Variants in NUP214 observed in about 807,000 individuals in gnomAD.
NUP214 encodes nucleoporin 214.
In NUP214, 79 loss-of-function variants were observed where a neutral mutation model predicts 196.2. The observed-to-expected ratio is 0.40, with a 90% CI of 0.34 to 0.49. NUP214 has a LOEUF of 0.49. Ranked by LOEUF, NUP214 falls within the 20% of genes least tolerant of loss-of-function variation. NUP214 has a pLI of 0.58. For synonymous variants in NUP214, 1,020 were observed against 990.5 expected (o/e 1.03, Z -0.56); for missense variants, 2,468 against 2,539.0 (o/e 0.97, Z 0.60).
Position 131,163,099 on chromosome 9 carries a change from G to A in NUP214, c.2649G>A (p.Gln883=), listed in dbSNP as rs1420786935. ...TGAATCACCTGGTGGATAGTCTTCA[G>A]CAGCTCCGCCTTTACAAACAGACTT... ...KRLNHLVDSL[Q]QLRLYKQTSL... The change falls in exon 19 of 36, where the codon CAG becomes CAA. Residue 883 remains glutamine (Q), a synonymous_variant. Coordinates refer to ENST00000359428, the MANE Select transcript of NUP214 (RefSeq NM_005085.4). 1.2e-6 allele frequency: 2 copies of A among 1,614,208 alleles called. No homozygotes were observed. The highest frequency in any genetic ancestry group is 1.7e-6 in the Non-Finnish European group (2 of 1,180,024).
chr9:131,140,342 GGT>G (rs1831870662), intron 10 of NUP214, among the ~76,000 whole-genome samples: 1 of 152,132 alleles, frequency 6.6e-6, no homozygotes, highest in African/African-American at 2.4e-5. Flanking sequence ...GGCCCAGCAG[GGT>G]GGTGGCGATC....
chr9:131,135,566 A>G (rs568118170), intron 8 of NUP214, among the ~76,000 whole-genome samples: 2 of 152,232 alleles, frequency 1.3e-5, no homozygotes, highest in South Asian at 2.1e-4. Flanking sequence ...ATATTCAAGG[A>G]ATATATTAAA....
At chr9:131,126,499 T>C (rs1288416532) in intron 1 of NUP214, 3 of 151,910 alleles carry the variant, frequency 2.0e-5, no homozygotes, top group Non-Finnish European at 2.9e-5. Flanking sequence ...GTGTGAACAA[T>C]AAATCACTAA....
chr9:131,140,391 A>G (rs557506172), intron 10 of NUP214, among the ~76,000 whole-genome samples, 158 bp from the exon 11 acceptor site: 1 of 152,330 alleles, frequency 6.6e-6, no homozygotes, highest in African/African-American at 2.4e-5. Context: ...TAGCTGGTGC[A>G]CGAAAGGCTG....
rs140105638 is a variant in NUP214, at chr9:131,131,597, A to G, written c.663+761A>G. On this transcript the variant is annotated intron_variant, in intron 5 of 35. Transcript: ENST00000359428. Reference sequence around the variant, plus strand: ...CCAAAAGTTACCTGAAATTTGGTACATAATCTTTTAGGACACTAACCTGTA... The same window carrying G: ...CCAAAAGTTACCTGAAATTTGGTACGTAATCTTTTAGGACACTAACCTGTA... Among the ~76,000 whole-genome samples, 25 of 152,358 alleles carry G rather than the reference A, an allele frequency of 1.6e-4. No homozygotes were observed. In the East Asian group the frequency reaches 3.9e-3, roughly 23 times the overall value.
chr9:131,177,236 C>CAT (rs1457714776), intron 23 of NUP214, among the ~76,000 whole-genome samples: 2 of 152,074 alleles, frequency 1.3e-5, no homozygotes, highest in Non-Finnish European at 2.9e-5. Context: ...AGACATCTAA[C>CAT]ATATATATTG....
intron 17 of NUP214, among the ~76,000 whole-genome samples, chr9:131,152,787 T>A (rs576010757): frequency 4.5e-4 from 66 of 146,158 alleles, no homozygotes; most frequent in Middle Eastern, 3.5e-3. Flanking sequence ...TGAAAAAAAA[T>A]TTTTTTTTTT....
chr9:131,144,509 C>T lies in NUP214; in HGVS notation c.1524C>T (p.Ser508=), dbSNP rs770603612. The T allele has an allele frequency of 2.5e-6, 4 of 1,614,052 alleles. No homozygotes were observed. The highest frequency in any genetic ancestry group is 3.3e-5 in the Admixed American group (2 of 59,996). The change falls in exon 12 of 36, where the codon AGC becomes AGT. Residue 508 remains serine (S), a synonymous_variant. Coordinates refer to ENST00000359428, the MANE Select transcript of NUP214 (RefSeq NM_005085.4). ...EPPSYSSGSD[S]SKAAPGPGPS... is the part of the protein sequence containing the mutation. ...CTTCATATTCCAGTGGCTCCGACAG[C>T]TCCAAAGCAGCCCCAGGCCCTGGCC... is the stretch of plus-strand genomic sequence containing the variant.
At chr9:131,175,760 C>A in intron 23 of NUP214, 139 bp downstream of exon 23, 1 of 1,249,878 alleles carries the variant, frequency 8.0e-7, no homozygotes, top group Non-Finnish European at 1.1e-6. Context: ...AGCCCTCTCC[C>A]CTTTGTGGAG....
intron 34 of NUP214, among the ~76,000 whole-genome samples, chr9:131,231,342 C>T (rs1476712950): frequency 1.3e-5 from 2 of 152,136 alleles, no homozygotes; most frequent in Admixed American, 1.3e-4. Context: ...CAGGCGCCCG[C>T]CACCAGGCCC....
Position 131,197,439 on chromosome 9 carries a change from C to T in NUP214, c.3945C>T (p.Ser1315=). 6.2e-7 allele frequency: 1 copy of T among 1,614,166 alleles called. No individual in the cohort carries two copies. The highest frequency in any genetic ancestry group is 2.2e-5 in the East Asian group (1 of 44,884). The part of the protein sequence containing the change: ...TTSSKLETPP[S]KLGELLFPSS... ...CTAGTAAGCTGGAAACCCCACCGTC[C>T]AAGCTGGGAGAGCTTCTGTTTCCAA... The change falls in exon 29 of 36, where the codon TCC becomes TCT. Residue 1315 remains serine (S), a synonymous_variant. Transcript: ENST00000359428.
rs1297506333 is a variant in NUP214, at chr9:131,234,654, A to G, written c.*1167A>G. The G allele has an allele frequency of 1.8e-5, 4 of 216,472 alleles. No individual in the cohort carries two copies. Among genetic ancestry groups the G allele is most frequent in the East Asian group, 6.8e-5 (1 of 14,664 alleles). 13.4% of individuals were successfully genotyped at this position (216,472 alleles called of 1,614,324 possible). Reference sequence around the variant, plus strand: ...TTTAATGTTTTAATAAAAGTTTGACATGACATTAATTCATCATGTTGCAGA... The same window carrying G: ...TTTAATGTTTTAATAAAAGTTTGACGTGACATTAATTCATCATGTTGCAGA... On this transcript the variant is annotated 3_prime_UTR_variant, in exon 36 of 36. Coordinates refer to ENST00000359428, the MANE Select transcript of NUP214 (RefSeq NM_005085.4).
intron 21 of NUP214, among the ~76,000 whole-genome samples, chr9:131,169,032 TTG>T (rs1832872137): frequency 3.5e-5 from 2 of 56,880 alleles, no homozygotes; most frequent in Non-Finnish European, 7.1e-5. Flanking sequence ...TTGTTTTTTT[TTG>T]TTTTTTTTTT....
At chr9:131,174,447 C>CTTTTTTTT (rs1299530269) in intron 22 of NUP214, 129 bp downstream of exon 22, 7 of 350,278 alleles carry the variant, frequency 2.0e-5, no homozygotes, top group African/African-American at 2.8e-5. Flanking sequence ...TTTTTTTTTT[C>CTTTTTTTT]TTTTTTTCTT....
chr9:131,170,675 G>A (rs974660862), intron 21 of NUP214, among the ~76,000 whole-genome samples: 7 of 152,030 alleles, frequency 4.6e-5, no homozygotes, highest in Non-Finnish European at 1.0e-4. Context: ...CAACAACCTG[G>A]CAGAATTCAT....
chr9:131,218,636 ATCT>A (rs766854617), intron 31 of NUP214, among the ~76,000 whole-genome samples: 3 of 151,910 alleles, frequency 2.0e-5, no homozygotes, highest in Non-Finnish European at 2.9e-5. Context: ...GTTCATCACA[ATCT>A]TCTTCTCCCT....
At chr9:131,202,589 AT>A (rs763382499) in intron 30 of NUP214, among the ~76,000 whole-genome samples, 113 of 142,338 alleles carry the variant, frequency 7.9e-4, no homozygotes, top group Admixed American at 2.9e-3. Context: ...ACACCCAGCT[AT>A]TTTTTTTTTT....
At chr9:131,161,899 A>G (rs894571168) in intron 18 of NUP214, among the ~76,000 whole-genome samples, 3 of 152,208 alleles carry the variant, frequency 2.0e-5, no homozygotes, top group Non-Finnish European at 4.4e-5. Context: ...CCACAGTACC[A>G]TACAGCAAGC....
At chr9:131,132,852 T>A in intron 6 of NUP214, 193 bp downstream of exon 6, 1 of 623,042 alleles carries the variant, frequency 1.6e-6, no homozygotes, top group Non-Finnish European at 2.8e-6. Context: ...TCACGATAAA[T>A]GACATGAAAT....
Sources: gnomAD v4.1 joint callset for allele counts (sites outside exome capture counted in the v4.1 genomes callset) on GRCh38, gnomAD v4.1.1 for gene constraint, MANE v1.5 for transcripts, NCBI Gene and HGNC (gene_info 2026-07-23, HGNC 2026-07-21) for gene names.